Variants in ZMIZ1 observed in about 807,000 individuals in gnomAD.
The protein encoded by ZMIZ1 is zinc finger MIZ-type containing 1.
Under a neutral mutation model 113.9 loss-of-function variants are expected in ZMIZ1, and 17 were observed. The ratio of observed to expected loss-of-function variants is 0.15; its 90% confidence interval spans 0.10 to 0.22. The LOEUF is 0.22. Ranked by LOEUF, ZMIZ1 falls within the 10% of genes least tolerant of loss-of-function variation. The pLI is 1.00. For missense variants in ZMIZ1, 1,059 were observed against 1,477.8 expected, an observed-to-expected ratio of 0.72 and a Z score of 4.65; for synonymous variants, 607 against 603.1, an observed-to-expected ratio of 1.01 and a Z score of -0.09.
intron 8 of ZMIZ1, among the ~76,000 whole-genome samples, chr10:79,281,874 G>A (rs1852762000): frequency 6.6e-6 from 1 of 152,234 alleles, no homozygotes; most frequent in Admixed American, 6.5e-5. Flanking sequence ...ACAGCGCACA[G>A]GGCTGTGCTA....
In ZMIZ1 at chr10:79,315,774, G is replaced by A. The variant is rs753311059; in HGVS notation, c.*3025G>A. The A allele has an allele frequency of 5.2e-5, 8 of 152,698 alleles. No homozygotes were observed. Among genetic ancestry groups the A allele is most frequent in the Non-Finnish European group, 1.0e-4 (7 of 68,038 alleles). 9.5% of individuals were successfully genotyped at this position (152,698 alleles called of 1,614,324 possible). A position where few individuals can be genotyped will look rare whatever the true frequency, so the allele number is the denominator to read the frequency against. On this transcript the variant is annotated 3_prime_UTR_variant, in exon 25 of 25. Coordinates refer to ENST00000334512, the MANE Select transcript of ZMIZ1 (RefSeq NM_020338.4). Reference sequence around the variant, plus strand: ...CGACTCAAGGGACGTGTGTACATATGTAAATGAGAAATAGAGACGTGTCAA... The same window carrying A: ...CGACTCAAGGGACGTGTGTACATATATAAATGAGAAATAGAGACGTGTCAA...
intron 8 of ZMIZ1, 115 bp downstream of exon 8, chr10:79,277,440 T>A: frequency 1.5e-6 from 2 of 1,324,670 alleles, no homozygotes; most frequent in Non-Finnish European, 2.0e-6. Flanking sequence ...GATGTTGCAT[T>A]TTCTAAGGTG....
chr10:79,285,638 T>G (rs1184824710), intron 8 of ZMIZ1: 2 of 449,434 alleles, frequency 4.5e-6, no homozygotes, highest in Non-Finnish European at 9.0e-6. Flanking sequence ...TGCAGAGAGG[T>G]GGTTTCTCCC....
At position 79,069,412 on chromosome 10, in the gene ZMIZ1, G is replaced by T. The variant is rs1411787624; in HGVS notation, c.-337+142G>T. ...CCCCGGAGCGGGGCGACCGGCCGGC[G>T]GCGCGGGCTCCGCTCCGCTCTCCTT... is the stretch of plus-strand genomic sequence containing the variant. On this transcript the variant is annotated intron_variant, in intron 1 of 24. Coordinates refer to ENST00000334512, the MANE Select transcript of ZMIZ1 (RefSeq NM_020338.4). The surrounding 1 kb of genome is among the most constrained non-coding windows in gnomAD (Gnocchi z 4.6). 1 of 150,962 alleles carries T rather than the reference G, an allele frequency of 6.6e-6. No individual in the cohort carries two copies. Among genetic ancestry groups the T allele is most frequent in the Non-Finnish European group, 1.5e-5 (1 of 67,670 alleles). The allele number at this position is 150,962 out of a possible 1,614,324, so 9.4% of individuals were successfully genotyped here. A position where few individuals can be genotyped will look rare whatever the true frequency, so the allele number is the denominator to read the frequency against.
intron 7 of ZMIZ1, among the ~76,000 whole-genome samples, chr10:79,269,603 G>A (rs185099883): frequency 2.6e-5 from 4 of 152,072 alleles, no homozygotes; most frequent in Non-Finnish European, 4.4e-5. Context: ...TGACTCTCCC[G>A]CCCAGCCATA....
rs115433108 is a variant in ZMIZ1, at chr10:79,245,497, G to A, written c.280+29223G>A. On this transcript the variant is annotated intron_variant, in intron 7 of 24. Transcript: ENST00000334512. ...GGCACGAGTGGAAGGCTGGTTGGGT[G>A]TGTTTTCCCCATTGGAGTTGGGACG... Among the ~76,000 whole-genome samples the A allele has an allele frequency of 3.9e-3, 588 of 152,300 alleles. 6 individuals carry two copies. The highest frequency in any genetic ancestry group is 0.014 in the African/African-American group (573 of 41,554).
intron 7 of ZMIZ1, among the ~76,000 whole-genome samples, chr10:79,232,543 T>C (rs1849432578): frequency 1.3e-5 from 2 of 152,108 alleles, no homozygotes; most frequent in African/African-American, 4.8e-5. Context: ...CCCAGTTTAA[T>C]CTGAGAAGAG....
chr10:79,138,795 T>G lies in ZMIZ1; in HGVS notation c.-226-887T>G, dbSNP rs11812514. On this transcript the variant is annotated intron_variant, in intron 2 of 24. Coordinates refer to ENST00000334512, the MANE Select transcript of ZMIZ1 (RefSeq NM_020338.4). Reference sequence around the variant, plus strand: ...TACATTTTTGTTTTACTAGTTACAATTTATTAAAGAGTATCAGAAATATAT... The same window carrying G: ...TACATTTTTGTTTTACTAGTTACAAGTTATTAAAGAGTATCAGAAATATAT... Among the ~76,000 whole-genome samples, 1,059 of 152,312 alleles carry G rather than the reference T, an allele frequency of 7.0e-3. 9 individuals carry two copies. Among genetic ancestry groups the G allele is most frequent in the African/African-American group, 0.019 (805 of 41,550 alleles).
chr10:79,133,831 G>A (rs556033983), intron 2 of ZMIZ1, among the ~76,000 whole-genome samples: 2 of 152,166 alleles, frequency 1.3e-5, no homozygotes, highest in Non-Finnish European at 2.9e-5. Context: ...CTGATTCCTC[G>A]GAGCATGCAG....
chr10:79,208,995 G>A (rs560973764), intron 6 of ZMIZ1, among the ~76,000 whole-genome samples: 51 of 152,260 alleles, frequency 3.3e-4, no homozygotes, highest in African/African-American at 1.2e-3. Flanking sequence ...CCTCTGTAGC[G>A]GAGGAGGCAG....
intron 1 of ZMIZ1, among the ~76,000 whole-genome samples, chr10:79,076,024 A>G (rs1012885628): frequency 6.6e-6 from 1 of 152,146 alleles, no homozygotes; most frequent in Non-Finnish European, 1.5e-5. Context: ...GCTTCGGGGA[A>G]AGATCTGGAA....
At chr10:79,217,347 C>T (rs1045057863) in intron 7 of ZMIZ1, among the ~76,000 whole-genome samples, 44 of 152,244 alleles carry the variant, frequency 2.9e-4, no homozygotes, top group African/African-American at 1.0e-3. Flanking sequence ...ATGGCGTGAA[C>T]CCAGGAGGCG....
At position 79,293,661 on chromosome 10, in the gene ZMIZ1, C is replaced by CA. The variant is rs1564591157; in HGVS notation, c.1230+9dup. ...AGGCCATACCCTGGAGAGGTGAGTGCAGCAGTGGGAGCCTGGGAGGTGGGA... is the reference window on the plus strand; with the variant it reads ...AGGCCATACCCTGGAGAGGTGAGTGCAAGCAGTGGGAGCCTGGGAGGTGGGA... On this transcript the variant is annotated intron_variant, in intron 12 of 24. Coordinates refer to ENST00000334512, the MANE Select transcript of ZMIZ1 (RefSeq NM_020338.4). 6 of 1,612,988 alleles carry CA rather than the reference C, an allele frequency of 3.7e-6. No individual in the cohort carries two copies. In the Admixed American group the frequency reaches 1.0e-4, roughly 27 times the overall value.
chr10:79,254,221 A>C (rs1231459262), intron 7 of ZMIZ1, among the ~76,000 whole-genome samples: 1 of 152,190 alleles, frequency 6.6e-6, no homozygotes, highest in Non-Finnish European at 1.5e-5. Context: ...TTCAGGGCCC[A>C]GCACATCTCA....
intron 9 of ZMIZ1, chr10:79,290,721 AC>A (rs1239187937): frequency 2.9e-6 from 2 of 689,702 alleles, no homozygotes; most frequent in Admixed American, 4.0e-5. Flanking sequence ...GCTTGGTCAT[AC>A]CCTCAGCTTG....
chr10:79,262,758 C>T (rs1017967993), intron 7 of ZMIZ1, among the ~76,000 whole-genome samples: 1 of 152,174 alleles, frequency 6.6e-6, no homozygotes, highest in Non-Finnish European at 1.5e-5. Context: ...CTCCAGAATG[C>T]ACAGGGACCC....
At position 79,216,166 on chromosome 10, in the gene ZMIZ1, C is replaced by T. The variant is rs1242514005; in HGVS notation, c.175-3C>T. On this transcript the variant is annotated splice_region_variant and splice_polypyrimidine_tract_variant and intron_variant, in intron 6 of 24. Coordinates refer to ENST00000334512, the MANE Select transcript of ZMIZ1 (RefSeq NM_020338.4). ...ACCTGCCCTCCTCCCCTCTTGCTTT[C>T]AGGTGGTCAGTCGGGTGGCAGCCCA... The T allele has an allele frequency of 3.4e-6, 5 of 1,483,024 alleles. No homozygotes were observed. The highest frequency in any genetic ancestry group is 4.5e-6 in the Non-Finnish European group (5 of 1,109,234). 91.9% of individuals were successfully genotyped at this position (1,483,024 alleles called of 1,614,324 possible).
Position 79,306,125 on chromosome 10 carries a change from G to C in ZMIZ1, c.2449G>C (p.Asp817His). ...CTCCGAGTTTGAAGAGGTCACCATC[G>C]ATCCCACGTGCAGCTGGCGGCCGGT... ...QHSEFEEVTI[D>H]PTCSWRPVPI... Residue 817 changes from aspartate (D) to histidine (H), a missense_variant, in exon 22 of 25, where the codon GAT (aspartate) becomes CAT (histidine). By Grantham distance (81) the Asp-to-His change is moderately conservative. Transcript: ENST00000334512. 1 of 1,613,572 alleles carries C rather than the reference G, an allele frequency of 6.2e-7. No homozygotes were observed. Among genetic ancestry groups the C allele is most frequent in the Non-Finnish European group, 8.5e-7 (1 of 1,179,964 alleles).
chr10:79,221,835 C>T lies in ZMIZ1; in HGVS notation c.280+5561C>T, dbSNP rs1303256589. On this transcript the variant is annotated intron_variant, in intron 7 of 24. Coordinates refer to ENST00000334512, the MANE Select transcript of ZMIZ1 (RefSeq NM_020338.4). ...GGGGAGGACCCACCCCAAGTCCTAG[C>T]GAGGCAGGGCCAGAGTCCAGAAGAG... Among the ~76,000 whole-genome samples the T allele has an allele frequency of 5.9e-5, 9 of 152,238 alleles. No individual in the cohort carries two copies. In the South Asian group the frequency reaches 6.2e-4, roughly 10 times the overall value.
Sources: allele counts gnomAD v4.1 joint callset (sites outside exome capture counted in the v4.1 genomes callset), GRCh38; gene constraint gnomAD v4.1.1; non-coding constraint Gnocchi (gnomAD v3.1); transcripts MANE v1.5; gene names NCBI Gene and HGNC (gene_info 2026-07-23, HGNC 2026-07-21).